ULK1: variants seen among roughly 807,000 people sequenced by gnomAD.
ULK1 encodes the protein serine/threonine-protein kinase ULK1.
ULK1 carries 48 observed loss-of-function variants against 117.5 expected under a neutral mutation model. The observed-to-expected ratio is 0.41, with a 90% CI of 0.32 to 0.52. ULK1 has a LOEUF of 0.52. Ranked by LOEUF, ULK1 falls within the 20% of genes least tolerant of loss-of-function variation. The pLI is 0.29. For missense variants in ULK1, 1,387 were observed against 1,473.4 expected, an observed-to-expected ratio of 0.94 and a Z score of 0.96; for synonymous variants, 790 against 637.8, an observed-to-expected ratio of 1.24 and a Z score of -3.60.
At position 131,919,559 on chromosome 12, in the gene ULK1, C is replaced by A. The variant is rs1653730760; in HGVS notation, c.2772C>A (p.Gly924=). 6.2e-7 allele frequency: 1 copy of A among 1,612,058 alleles called. No individual in the cohort carries two copies. Among genetic ancestry groups the A allele is most frequent in the Non-Finnish European group, 8.5e-7 (1 of 1,179,634 alleles). ...GTGCCATCGACCAGATCCGGGCCGG[C>A]AAGCTCTGCCTGTCGTCCACTGTGA... ...LQSAIDQIRA[G]KLCLSSTVKQ... Residue 924 remains glycine (G), a synonymous_variant, in exon 25 of 28, where the codon GGC becomes GGA. Transcript: ENST00000321867.
At chr12:131,917,601 A>G (rs1192120081) in intron 22 of ULK1, 47 bp downstream of exon 22, 1 of 1,335,950 alleles carries the variant, frequency 7.5e-7, no homozygotes, top group East Asian at 2.8e-5. Flanking sequence ...GGGTGGTGGC[A>G]GCGCCCTAGC....
At chr12:131,914,937 A>T (rs1205705777) in intron 16 of ULK1, 146 bp from the exon 17 acceptor site, 2 of 1,235,406 alleles carry the variant, frequency 1.6e-6, no homozygotes, top group East Asian at 2.6e-5. Context: ...GCCATCTGTC[A>T]GCACTGTAGC....
rs1205906696 is a variant in ULK1 at position 131,921,691 on chromosome 12, C to T, written c.*330C>T. On this transcript the variant is annotated 3_prime_UTR_variant, in exon 28 of 28. Transcript: ENST00000321867. The stretch of plus-strand genomic sequence containing the variant: ...CGGAGGACAGGCAAGGGCCTGAGAC[C>T]ACTGCCGACTCAAAGCCAAAGCGAG... 1 of 607,376 alleles carries T rather than the reference C, an allele frequency of 1.6e-6. No individual in the cohort carries two copies. Among genetic ancestry groups the T allele is most frequent in the Non-Finnish European group, 3.0e-6 (1 of 329,584 alleles). The allele number at this position is 607,376 out of a possible 1,614,324, so 37.6% of individuals were successfully genotyped here. A position where few individuals can be genotyped will look rare whatever the true frequency, so the allele number is the denominator to read the frequency against.
chr12:131,919,699 A>T (rs1173997315), intron 25 of ULK1, 109 bp downstream of exon 25: 11 of 1,295,450 alleles, frequency 8.5e-6, no homozygotes, highest in Non-Finnish European at 1.1e-5. Context: ...GCCCCTGTGC[A>T]GAGGTGCAGA....
chr12:131,909,488 G>T (rs1031274754), intron 8 of ULK1, among the ~76,000 whole-genome samples: 3 of 152,092 alleles, frequency 2.0e-5, no homozygotes, highest in Non-Finnish European at 2.9e-5. Context: ...CTGTCTAGTC[G>T]CCTGTCTGGT....
rs1325319751 is a variant in ULK1 at position 131,903,410 on chromosome 12, C to T, written c.247-3482C>T. Among the ~76,000 whole-genome samples the T allele has an allele frequency of 6.6e-6, 1 of 152,220 alleles. No individual in the cohort carries two copies. Among genetic ancestry groups the T allele is most frequent in the Admixed American group, 6.5e-5 (1 of 15,292 alleles). ...TTCCCAGCCTGGGCACGCCTCCCAA[C>T]CTCTGGGGCCTCAGTGTGCTCGTAT... On this transcript the variant is annotated intron_variant, in intron 3 of 27. Transcript: ENST00000321867. This position sits in a 1 kb window ranked among gnomAD's most constrained non-coding sequence, Gnocchi z 6.0.
intron 12 of ULK1, among the ~76,000 whole-genome samples, 187 bp downstream of exon 12, chr12:131,910,987 C>T (rs1215619412): frequency 6.6e-6 from 1 of 152,242 alleles, no homozygotes; most frequent in Non-Finnish European, 1.5e-5. Flanking sequence ...CCAACACCCA[C>T]AGCCCTCAGG....
At chr12:131,896,461 T>G (rs546995430) in intron 3 of ULK1, 1 of 154,572 alleles carries the variant, frequency 6.5e-6, no homozygotes, top group Admixed American at 6.4e-5. Flanking sequence ...ACCAGGAACC[T>G]GAGGCGGGAG....
At chr12:131,910,117 C>T in intron 10 of ULK1, 116 bp downstream of exon 10, 1 of 1,562,374 alleles carries the variant, frequency 6.4e-7, no homozygotes, top group Non-Finnish European at 8.8e-7. Context: ...GCCCTTTCCA[C>T]AAGCCAAGCG....
At chr12:131,911,169 G>C (rs553217666) in intron 12 of ULK1, among the ~76,000 whole-genome samples, 1 of 152,216 alleles carries the variant, frequency 6.6e-6, no homozygotes, top group Non-Finnish European at 1.5e-5. Context: ...GGCCCCACAT[G>C]ATGATGGCAC....
chr12:131,910,317 G>C lies in ULK1; in HGVS notation c.859+13G>C, dbSNP rs200174183. 327 of 1,613,672 alleles carry C rather than the reference G, an allele frequency of 2.0e-4. 6 individuals are homozygous for C. In the South Asian group the frequency reaches 3.4e-3, roughly 17 times the overall value. Reference sequence around the variant, plus strand: ...TCGGTCAGGAAATGTGAGTTTCTGTGGGTCCTGGGGCTCCGCATGGGCCCT... The same window carrying C: ...TCGGTCAGGAAATGTGAGTTTCTGTCGGTCCTGGGGCTCCGCATGGGCCCT... On this transcript the variant is annotated intron_variant, in intron 11 of 27. Coordinates refer to ENST00000321867, the MANE Select transcript of ULK1 (RefSeq NM_003565.4).
At chr12:131,921,005 T>C in intron 26 of ULK1, 95 bp from the exon 27 acceptor site, 2 of 1,451,956 alleles carry the variant, frequency 1.4e-6, no homozygotes, top group Non-Finnish European at 1.8e-6. Flanking sequence ...AGCGCCTATC[T>C]GCCACCCCTG....
Position 131,894,660 on chromosome 12 carries a change from G to T in ULK1, c.-342G>T, listed in dbSNP as rs888651642. On this transcript the variant is annotated 5_prime_UTR_variant, in exon 1 of 28. Coordinates refer to ENST00000321867, the MANE Select transcript of ULK1 (RefSeq NM_003565.4). ...GGGCGTCTCAGGCTCTGAGGCCCGG[G>T]CGCCGCGGCTCTTTTGTTTCTCCGT... The T allele has an allele frequency of 6.6e-6, 1 of 151,290 alleles. No homozygotes were observed. The highest frequency in any genetic ancestry group is 1.5e-5 in the Non-Finnish European group (1 of 67,754). 9.4% of individuals were successfully genotyped at this position (151,290 alleles called of 1,614,324 possible). A position where few individuals can be genotyped will look rare whatever the true frequency, so the allele number is the denominator to read the frequency against.
At chr12:131,914,518 C>T in intron 16 of ULK1, 41 bp downstream of exon 16, 1 of 1,594,774 alleles carries the variant, frequency 6.3e-7, no homozygotes, top group Non-Finnish European at 8.6e-7. Flanking sequence ...TGGCTGGGGC[C>T]TTGTGTGGCA....
rs151334883 is a variant in ULK1, at chr12:131,919,557, G to A, written c.2770G>A (p.Gly924Ser). The A allele has an allele frequency of 9.3e-6, 15 of 1,612,136 alleles. No homozygotes were observed. Among genetic ancestry groups the A allele is most frequent in the African/African-American group, 1.3e-5 (1 of 75,050 alleles). ...AAGTGCCATCGACCAGATCCGGGCC[G>A]GCAAGCTCTGCCTGTCGTCCACTGT... ...LQSAIDQIRA[G>S]KLCLSSTVKQ... Residue 924 changes from glycine to serine, a missense_variant, in exon 25 of 28, where the codon GGC becomes AGC. Gly to Ser is a moderately conservative substitution (Grantham distance 56). Transcript: ENST00000321867.
At chr12:131,908,129 C>T (rs1889352477) in intron 5 of ULK1, among the ~76,000 whole-genome samples, 4 of 152,104 alleles carry the variant, frequency 2.6e-5, no homozygotes. Flanking sequence ...GGCTCAGACC[C>T]GCGTCGCCCT....
In ULK1 at chr12:131,910,021, G is replaced by T; in HGVS notation, c.808+20G>T. ...ACTTCGGTGAGCACCCACCAGGGGC[G>T]CAGCTGGAGTCCCCCACCCTCCTTC... On this transcript the variant is annotated intron_variant, in intron 10 of 27. Transcript: ENST00000321867. 1.2e-6 allele frequency: 2 copies of T among 1,609,736 alleles called. No individual in the cohort carries two copies. The highest frequency in any genetic ancestry group is 2.2e-5 in the East Asian group (1 of 44,830).
chr12:131,899,079 A>G (rs1888989528), intron 3 of ULK1, among the ~76,000 whole-genome samples: 1 of 150,314 alleles, frequency 6.7e-6, no homozygotes, highest in Non-Finnish European at 1.5e-5. Flanking sequence ...AATTTTCGCC[A>G]CATTGGCCAG....
intron 3 of ULK1, chr12:131,896,540 G>C (rs552742125): frequency 3.0e-4 from 46 of 152,592 alleles, no homozygotes; most frequent in African/African-American, 1.1e-3. Flanking sequence ...CCAGCCCCTG[G>C]CTGAGGGAAG....
Sources: gnomAD v4.1 joint callset for allele counts (sites outside exome capture counted in the v4.1 genomes callset) on GRCh38, gnomAD v4.1.1 for gene constraint, Gnocchi (gnomAD v3.1) non-coding constraint, MANE v1.5 for transcripts, NCBI Gene and HGNC (gene_info 2026-07-23, HGNC 2026-07-21) for gene names.